The following DRAM1 variants were observed in gnomAD, a reference collection of about 807,000 sequenced individuals.
DRAM1 encodes the protein DNA damage regulated autophagy modulator 1.
A neutral mutation model predicts 28.5 loss-of-function variants in DRAM1; 25 were observed. That is an observed-to-expected ratio of 0.88 (90% CI 0.64 to 1.23). The LOEUF is 1.23. DRAM1 is among the 50% of genes most tolerant of loss of function. The pLI is 0.00. For synonymous variants in DRAM1, 113 were observed against 114.2 expected, an observed-to-expected ratio of 0.99 and a Z score of 0.07; for missense variants, 249 against 299.2, an observed-to-expected ratio of 0.83 and a Z score of 1.24.
At chr12:101,918,921 T>G (rs988180379) in intron 5 of DRAM1, among the ~76,000 whole-genome samples, 20 of 152,066 alleles carry the variant, frequency 1.3e-4, no homozygotes, top group Non-Finnish European at 2.1e-4. Context: ...TTTATTTTAT[T>G]ATTATTATTA....
intron 4 of DRAM1, among the ~76,000 whole-genome samples, chr12:101,908,854 C>T (rs1443192648): frequency 7.0e-6 from 1 of 142,158 alleles, no homozygotes; most frequent in South Asian, 2.2e-4. Context: ...TCTTTGTCAC[C>T]GTGTCTTAGC....
intron 1 of DRAM1, among the ~76,000 whole-genome samples, chr12:101,896,825 T>C (rs993889628): frequency 6.6e-6 from 1 of 152,156 alleles, no homozygotes; most frequent in African/African-American, 2.4e-5. Context: ...TTCACTGTTG[T>C]TGCTTAGGCT....
intron 1 of DRAM1, among the ~76,000 whole-genome samples, chr12:101,894,645 A>G (rs7974969): frequency 0.51 from 77,991 of 151,876 alleles, 20,518 homozygotes; most frequent in East Asian, 0.63. Flanking sequence ...TGTCATGTGG[A>G]CTCCACACCT....
At chr12:101,893,008 G>A (rs1188842589) in intron 1 of DRAM1, among the ~76,000 whole-genome samples, 2 of 152,190 alleles carry the variant, frequency 1.3e-5, no homozygotes, top group Non-Finnish European at 2.9e-5. Context: ...AGGAATGTGG[G>A]CCATTGATAT....
chr12:101,880,732 A>G (rs1368585337), intron 1 of DRAM1, among the ~76,000 whole-genome samples: 2 of 152,204 alleles, frequency 1.3e-5, no homozygotes, highest in Admixed American at 6.5e-5. Context: ...GTTGTGATTA[A>G]TATCACTCTA....
In DRAM1 at chr12:101,877,784, G is replaced by T; in HGVS notation, c.-6G>T. 1.3e-6 allele frequency: 2 copies of T among 1,488,686 alleles called. No homozygotes were observed. The highest frequency in any genetic ancestry group is 1.8e-6 in the Non-Finnish European group (2 of 1,115,448). 92.2% of individuals were successfully genotyped at this position (1,488,686 alleles called of 1,614,324 possible). ...GCAGCACTCCGTCGGCGGCGGCGGC[G>T]GCGCGATGCTGTGCTTCCTGAGGGG... On this transcript the variant is annotated 5_prime_UTR_variant, in exon 1 of 7. Coordinates refer to ENST00000258534, the MANE Select transcript of DRAM1 (RefSeq NM_018370.3). The surrounding 1 kb of genome is among the most constrained non-coding windows in gnomAD (Gnocchi z 4.1).
At chr12:101,892,462 C>T (rs981725061) in intron 1 of DRAM1, among the ~76,000 whole-genome samples, 6 of 150,872 alleles carry the variant, frequency 4.0e-5, no homozygotes, top group African/African-American at 1.2e-4. Context: ...CCATGTTGGC[C>T]AGGCTGGTCT....
chr12:101,908,520 C>T (rs1344463076), intron 4 of DRAM1, among the ~76,000 whole-genome samples, 157 bp downstream of exon 4: 7 of 152,066 alleles, frequency 4.6e-5, no homozygotes, highest in Non-Finnish European at 4.4e-5. Context: ...TTGGCAAGTG[C>T]GAATCTATAG....
intron 4 of DRAM1, 97 bp downstream of exon 4, chr12:101,908,460 T>C (rs1275144681): frequency 4.7e-6 from 6 of 1,279,040 alleles, no homozygotes; most frequent in Non-Finnish European, 6.5e-6. Context: ...ACCGCTGCAA[T>C]GAGTTCTGAC....
At chr12:101,881,469 A>T (rs1872684255) in intron 1 of DRAM1, among the ~76,000 whole-genome samples, 2 of 152,082 alleles carry the variant, frequency 1.3e-5, no homozygotes, top group Admixed American at 1.3e-4. Context: ...ACTTGAGATT[A>T]AAAGTGTGCA....
At chr12:101,914,748 C>T (rs1874169379) in intron 5 of DRAM1, among the ~76,000 whole-genome samples, 2 of 152,112 alleles carry the variant, frequency 1.3e-5, no homozygotes, top group South Asian at 4.2e-4. Context: ...ACCTTTGCCT[C>T]CTGGGTTCAA....
intron 5 of DRAM1, among the ~76,000 whole-genome samples, chr12:101,915,577 T>C (rs966293493): frequency 6.7e-6 from 1 of 149,548 alleles, no homozygotes; most frequent in Non-Finnish European, 1.5e-5. Context: ...AGTTTCGCCC[T>C]TGTTGCCTAG....
intron 1 of DRAM1, among the ~76,000 whole-genome samples, chr12:101,881,444 C>T (rs1872683462): frequency 6.6e-6 from 1 of 152,116 alleles, no homozygotes; most frequent in South Asian, 2.1e-4. Context: ...ATCCCCTGAC[C>T]TCAGCCTACT....
intron 1 of DRAM1, among the ~76,000 whole-genome samples, chr12:101,897,152 T>A (rs552221665): frequency 6.6e-6 from 1 of 152,292 alleles, no homozygotes. Context: ...TAAAGTGATG[T>A]GTTTATGTGT....
chr12:101,900,208 C>T (rs1276524453), intron 2 of DRAM1, among the ~76,000 whole-genome samples: 8 of 152,130 alleles, frequency 5.3e-5, no homozygotes, highest in African/African-American at 1.9e-4. Context: ...CTTTACTATC[C>T]TCCTCACATC....
chr12:101,915,115 G>T (rs2121161239), intron 5 of DRAM1, among the ~76,000 whole-genome samples: 1 of 152,122 alleles, frequency 6.6e-6, no homozygotes, highest in East Asian at 1.9e-4. Context: ...GAGTAGCTGG[G>T]ACTATAGGCG....
intron 3 of DRAM1, among the ~76,000 whole-genome samples, chr12:101,905,779 T>TTATTTATTTATG (rs1413552204): frequency 2.0e-5 from 3 of 150,576 alleles, no homozygotes; most frequent in Non-Finnish European, 2.9e-5. Context: ...ATTTATTTAT[T>TTATTTATTTATG]TATTTATGTA....
rs751407181 is a variant in DRAM1, at chr12:101,897,854, CT to C, written c.132-6del. 31 of 1,602,620 alleles carry C rather than the reference CT, an allele frequency of 1.9e-5. No individual in the cohort carries two copies. In the South Asian group the frequency reaches 3.2e-4, roughly 17 times the overall value. ...TTCTAATAATTTGGACATTTCTTCC[CT>C]TTGCCAGTGATACGGGAACAACACC... is the stretch of plus-strand genomic sequence containing the variant. On this transcript the variant is annotated splice_polypyrimidine_tract_variant and splice_region_variant and intron_variant, in intron 1 of 6. Coordinates refer to ENST00000258534, the MANE Select transcript of DRAM1 (RefSeq NM_018370.3).
intron 1 of DRAM1, among the ~76,000 whole-genome samples, chr12:101,883,660 G>A (rs539162061): frequency 1.3e-5 from 2 of 151,078 alleles, no homozygotes; most frequent in Non-Finnish European, 3.0e-5. Context: ...GAGGCCGGGC[G>A]CAGTGGCTCA....
Sources: allele counts gnomAD v4.1 joint callset (sites outside exome capture counted in the v4.1 genomes callset), GRCh38; gene constraint gnomAD v4.1.1; non-coding constraint Gnocchi (gnomAD v3.1); transcripts MANE v1.5; gene names NCBI Gene and HGNC (gene_info 2026-07-23, HGNC 2026-07-21).